Variants in FANK1 observed in about 807,000 individuals in gnomAD.
FANK1 encodes fibronectin type III and ankyrin repeat domains 1.
FANK1 carries 44 observed loss-of-function variants against 45.3 expected under a neutral mutation model. The ratio of observed to expected loss-of-function variants is 0.97; its 90% CI spans 0.76 to 1.25. FANK1 has a LOEUF of 1.25. FANK1 is among the 50% of genes most tolerant of loss of function. The pLI is 0.00. For missense variants in FANK1, 391 were observed against 424.4 expected (o/e 0.92, Z 0.69); for synonymous variants, 149 against 152.5 (o/e 0.98, Z 0.17).
intron 1 of FANK1, among the ~76,000 whole-genome samples, chr10:125,947,248 A>G (rs1410605167): frequency 8.0e-4 from 119 of 148,246 alleles, no homozygotes; most frequent in South Asian, 2.1e-3. Context: ...GACAGGATCA[A>G]ATTCACACAT....
chr10:125,946,017 G>C (rs1471351032), intron 1 of FANK1, among the ~76,000 whole-genome samples: 10 of 152,138 alleles, frequency 6.6e-5, no homozygotes, highest in Non-Finnish European at 1.3e-4. Flanking sequence ...TCACACGGCA[G>C]GGTATTCCAA....
chr10:125,997,704 T>C (rs1473100429), intron 6 of FANK1, among the ~76,000 whole-genome samples: 1 of 152,216 alleles, frequency 6.6e-6, no homozygotes, highest in Non-Finnish European at 1.5e-5. Context: ...GCATCTGTTG[T>C]AACGTATGGT....
intron 2 of FANK1, among the ~76,000 whole-genome samples, chr10:125,986,300 G>C (rs550711979): frequency 6.6e-6 from 1 of 152,066 alleles, no homozygotes; most frequent in East Asian, 1.9e-4. Flanking sequence ...TGCTACACCC[G>C]AGAAGTCATT....
rs576303085 is a variant in FANK1 at position 125,908,305 on chromosome 10, A to G, written c.13+11650A>G. Among the ~76,000 whole-genome samples the G allele has an allele frequency of 1.5e-4, 23 of 152,184 alleles. 1 individual carries two copies. The South Asian group carries it at 4.6e-3, about 30-fold the overall frequency. ...GCCACTGTGCCTGGCCTTTTCTCAT[A>G]TGTTTATAGCAGCACAATCTGCAAC... On this transcript the variant is annotated intron_variant, in intron 1 of 10. Coordinates refer to ENST00000368693, the MANE Select transcript of FANK1 (RefSeq NM_145235.5).
At position 126,009,554 on chromosome 10, in the gene FANK1, A is replaced by AT; in HGVS notation, c.*118dup. ...TGTACATTTATTTATTTAGTTGAAG[A>AT]TTCACTGATCCCACTTTGAAATACA... On this transcript the variant is annotated 3_prime_UTR_variant, in exon 11 of 11. Transcript: ENST00000368693. 9.2e-7 allele frequency: 1 copy of AT among 1,085,274 alleles called. No homozygotes were observed. Among genetic ancestry groups the AT allele is most frequent in the East Asian group, 2.5e-5 (1 of 40,462 alleles). 67.2% of individuals were successfully genotyped at this position (1,085,274 alleles called of 1,614,324 possible).
chr10:125,993,718 G>A (rs994014606), intron 3 of FANK1, among the ~76,000 whole-genome samples: 3 of 152,168 alleles, frequency 2.0e-5, no homozygotes, highest in Non-Finnish European at 4.4e-5. Flanking sequence ...CCTTTGACAG[G>A]TTATCGTGCG....
At chr10:125,937,363 G>A (rs1333973165) in intron 1 of FANK1, among the ~76,000 whole-genome samples, 3 of 152,138 alleles carry the variant, frequency 2.0e-5, no homozygotes, top group African/African-American at 7.2e-5. Flanking sequence ...TTTAGACTTT[G>A]TAGTACCTGT....
chr10:125,934,746 T>G (rs1190946664), intron 1 of FANK1, among the ~76,000 whole-genome samples: 1 of 137,360 alleles, frequency 7.3e-6, no homozygotes, highest in Non-Finnish European at 1.6e-5. Context: ...TTTTTTTTTT[T>G]TTTTTTTTTT....
At chr10:125,996,716 G>T in intron 5 of FANK1, 92 bp downstream of exon 5, 1 of 1,193,320 alleles carries the variant, frequency 8.4e-7, no homozygotes, top group South Asian at 1.4e-5. Flanking sequence ...GGAGGAAAAA[G>T]GGCCATGGAG....
At chr10:125,992,473 GA>G (rs1361196688) in intron 3 of FANK1, among the ~76,000 whole-genome samples, 1 of 152,128 alleles carries the variant, frequency 6.6e-6, no homozygotes, top group African/African-American at 2.4e-5. Flanking sequence ...AAGGACTGAG[GA>G]ACAATTATGT....
chr10:125,964,664 T>A (rs931995470), intron 1 of FANK1, among the ~76,000 whole-genome samples: 4 of 152,240 alleles, frequency 2.6e-5, no homozygotes, highest in African/African-American at 9.6e-5. Context: ...CTTCTCATGC[T>A]GGCCATTTCA....
chr10:125,941,177 A>G (rs1589955220), intron 1 of FANK1, among the ~76,000 whole-genome samples: 1 of 152,252 alleles, frequency 6.6e-6, no homozygotes, highest in Non-Finnish European at 1.5e-5. Context: ...CAGAAGTTCT[A>G]TATTTGCAAC....
chr10:126,009,120 G>T lies in FANK1; in HGVS notation c.916G>T (p.Val306Leu), dbSNP rs201648892. ...LLLDKGADAS[V>L]KNEFGKGVLE... ...TCTTGACAAAGGGGCAGATGCAAGT[G>T]TAAAAAATGAGGTAAATGAGTCCAT... The change falls in exon 9 of 11, where the codon GTA becomes TTA. Residue 306 changes from valine to leucine, a missense_variant. Transcript: ENST00000368693. 28 of 1,614,106 alleles carry T rather than the reference G, an allele frequency of 1.7e-5. No individual in the cohort carries two copies. Among genetic ancestry groups the T allele is most frequent in the Non-Finnish European group, 5.1e-6 (6 of 1,180,048 alleles).
intron 1 of FANK1, among the ~76,000 whole-genome samples, chr10:125,939,274 A>G (rs1948297549): frequency 6.6e-6 from 1 of 152,226 alleles, no homozygotes; most frequent in Non-Finnish European, 1.5e-5. Flanking sequence ...TGCAGAGAAA[A>G]AAAGAAACCT....
intron 1 of FANK1, among the ~76,000 whole-genome samples, chr10:125,919,449 T>G (rs1171906054): frequency 7.9e-5 from 12 of 151,994 alleles, no homozygotes; most frequent in African/African-American, 2.9e-4. Context: ...CAGGTGATCC[T>G]CCCCCCTTGG....
At chr10:125,920,086 C>T (rs1946837701) in intron 1 of FANK1, among the ~76,000 whole-genome samples, 1 of 152,130 alleles carries the variant, frequency 6.6e-6, no homozygotes, top group Admixed American at 6.5e-5. Context: ...TCCTGTCTCT[C>T]GTACTCTCTG....
chr10:125,988,484 C>T, intron 2 of FANK1, 67 bp from the exon 3 acceptor site: 1 of 1,566,760 alleles, frequency 6.4e-7, no homozygotes. Flanking sequence ...TGCTCTTCTG[C>T]TGTCTTATCA....
chr10:125,929,106 A>G (rs140225717), intron 1 of FANK1, among the ~76,000 whole-genome samples: 2,497 of 152,352 alleles, frequency 0.016, 34 homozygotes, highest in South Asian at 0.032. Flanking sequence ...TATGCACAGG[A>G]GTCCACGAAA....
chr10:125,934,725 T>C (rs529357217), intron 1 of FANK1, among the ~76,000 whole-genome samples: 1,087 of 7,540 alleles, frequency 0.14, 13 homozygotes, highest in African/African-American at 0.36. Flanking sequence ...ACCCCTACCG[T>C]TTTTTTTTTT....
Sources: gnomAD v4.1 joint callset for allele counts (sites outside exome capture counted in the v4.1 genomes callset) on GRCh38, gnomAD v4.1.1 for gene constraint, MANE v1.5 for transcripts, NCBI Gene and HGNC (gene_info 2026-07-23, HGNC 2026-07-21) for gene names.